Variants in OTULIN observed in about 807,000 individuals in gnomAD.
OTULIN encodes OTU deubiquitinase with linear linkage specificity.
OTULIN carries 15 observed loss-of-function variants against 39.6 expected under a neutral mutation model. The observed-to-expected ratio is 0.38, with a 90% CI of 0.25 to 0.58. The LOEUF is 0.58. Ranked by LOEUF, OTULIN falls within the 20% of genes least tolerant of loss-of-function variation. The probability of loss-of-function intolerance (pLI) is 0.66; values close to 1 mark genes in which losing one functional copy is unlikely to be tolerated. For synonymous variants in OTULIN, 156 were observed against 170.3 expected, an observed-to-expected ratio of 0.92 and a Z score of 0.65; for missense variants, 319 against 445.9, an observed-to-expected ratio of 0.72 and a Z score of 2.56.
chr5:14,681,689 T>A, intron 4 of OTULIN, 82 bp downstream of exon 4: 2 of 1,443,898 alleles, frequency 1.4e-6, no homozygotes, highest in Admixed American at 5.0e-5. Context: ...CCATGCTACC[T>A]TCTAGTATCG....
intron 1 of OTULIN, among the ~76,000 whole-genome samples, chr5:14,667,908 C>T (rs1735890664): frequency 6.6e-6 from 1 of 152,186 alleles, no homozygotes; most frequent in Non-Finnish European, 1.5e-5. Context: ...ATCCCCTGCT[C>T]ACTCCACCCC....
Position 14,685,459 on chromosome 5 carries a change from T to C in OTULIN, c.469-2062T>C, listed in dbSNP as rs180887648. ...GTGGAAAACAAAGGTTATTTACGTG[T>C]GTTCCATGTGCTGTGACCTCTGAAA... On this transcript the variant is annotated intron_variant, in intron 4 of 6. Transcript: ENST00000284274. Among the ~76,000 whole-genome samples the C allele has an allele frequency of 1.2e-3, 179 of 152,372 alleles. 4 individuals carry two copies. The highest frequency in any genetic ancestry group is 0.01 in the Admixed American group (159 of 15,310).
intron 4 of OTULIN, among the ~76,000 whole-genome samples, chr5:14,685,754 G>A (rs941172254): frequency 2.6e-5 from 4 of 152,124 alleles, no homozygotes; most frequent in Non-Finnish European, 5.9e-5. Flanking sequence ...CAGATGCTCA[G>A]CCGGTCTTCT....
At chr5:14,712,554 C>T in the OTULIN span, among the ~76,000 whole-genome samples, 153 of 152,358 alleles carry the variant, frequency 1.0e-3, 3 homozygotes, top group East Asian at 6.0e-3. Flanking sequence ...CGCATGTCTG[C>T]GGGTCATTCC....
At chr5:14,710,254 G>A in the OTULIN span, 1 of 152,192 alleles carries the variant, frequency 6.6e-6, no homozygotes, top group Non-Finnish European at 1.5e-5. Flanking sequence ...TGCTGGATGA[G>A]ACTTAAAGCT....
At position 14,690,711 on chromosome 5, in the gene OTULIN, C is replaced by T. The variant is rs1736504325; in HGVS notation, c.864+403C>T. ...TTATGACCTAATCTAGGATGTCACA[C>T]ACTGTTAGATTGTTTTCTACTTTTT... On this transcript the variant is annotated intron_variant, in intron 6 of 6. Transcript: ENST00000284274. This position sits in a 1 kb window ranked among gnomAD's most constrained non-coding sequence, Gnocchi z 4.5. 6.6e-6 allele frequency among the ~76,000 whole-genome samples: 1 copy of T among 152,142 alleles called. No individual in the cohort carries two copies. Among genetic ancestry groups the T allele is most frequent in the African/African-American group, 2.4e-5 (1 of 41,432 alleles).
intron 2 of OTULIN, among the ~76,000 whole-genome samples, chr5:14,678,132 A>C (rs1736151850): frequency 6.6e-6 from 1 of 152,190 alleles, no homozygotes; most frequent in Non-Finnish European, 1.5e-5. Flanking sequence ...TATAAGAGGA[A>C]TAGAGAGCAA....
intron 3 of OTULIN, among the ~76,000 whole-genome samples, chr5:14,680,920 C>G (rs182861437): frequency 0.011 from 1,625 of 152,234 alleles, 36 homozygotes; most frequent in African/African-American, 0.037. Context: ...ATTAGCTGGG[C>G]TTGGTGGCAC....
chr5:14,673,651 C>T lies in OTULIN; in HGVS notation c.162C>T (p.Asp54=). ...EMQCPAEHEE[D]MYRAADEIEK... The stretch of plus-strand genomic sequence containing the variant: ...TTTGGTGTAATTTCAGTGAGGAGGA[C>T]ATGTACCGTGCTGCAGATGAAATAG... Residue 54 remains aspartate, a synonymous_variant, in exon 2 of 7, where the codon GAC becomes GAT. Coordinates refer to ENST00000284274, the MANE Select transcript of OTULIN (RefSeq NM_138348.6). 1 of 1,613,276 alleles carries T rather than the reference C, an allele frequency of 6.2e-7. No homozygotes were observed. The highest frequency in any genetic ancestry group is 8.5e-7 in the Non-Finnish European group (1 of 1,179,642).
intron 1 of OTULIN, among the ~76,000 whole-genome samples, chr5:14,667,182 A>G (rs73749525): frequency 0.012 from 1,831 of 152,326 alleles, 42 homozygotes; most frequent in African/African-American, 0.042. Flanking sequence ...AATACAAATC[A>G]TAGCCCAACT....
At chr5:14,711,552 G>A in the OTULIN span, among the ~76,000 whole-genome samples, 1 of 152,178 alleles carries the variant, frequency 6.6e-6, no homozygotes, top group East Asian at 1.9e-4. Flanking sequence ...AGGACACCAT[G>A]TCCCACTGCC....
chr5:14,709,078 G>GAGAC, the OTULIN span: 1 of 152,120 alleles, frequency 6.6e-6, no homozygotes, highest in African/African-American at 2.4e-5. Context: ...GTTTTTAGTA[G>GAGAC]AGACAGGGTT....
At chr5:14,713,427 G>A in the OTULIN span, 3 of 1,431,904 alleles carry the variant, frequency 2.1e-6, no homozygotes, top group Non-Finnish European at 2.9e-6. The surrounding 1 kb of genome is among the most constrained non-coding windows in gnomAD (Gnocchi z 4.4). Flanking sequence ...ACATCATTCT[G>A]AATTTCCGAT....
At chr5:14,671,929 T>C (rs1258048757) in intron 1 of OTULIN, among the ~76,000 whole-genome samples, 1 of 152,202 alleles carries the variant, frequency 6.6e-6, no homozygotes. Flanking sequence ...CTTACTGCCC[T>C]TTTGACAGGT....
At chr5:14,710,399 C>G in the OTULIN span, 2 of 152,228 alleles carry the variant, frequency 1.3e-5, no homozygotes, top group African/African-American at 4.8e-5. Flanking sequence ...TCTGGAGATG[C>G]GCTTTTGTGA....
chr5:14,684,630 A>G (rs1736340316), intron 4 of OTULIN, among the ~76,000 whole-genome samples: 1 of 152,138 alleles, frequency 6.6e-6, no homozygotes, highest in Non-Finnish European at 1.5e-5. Context: ...TTGCAGTGTG[A>G]CTGAAATAAA....
Position 14,690,395 on chromosome 5 carries a change from A to AT in OTULIN, c.864+89dup. ...ATGTCACAGTTTTTGTAGGTCAGAA[A>AT]TTCAGGGACAGCTTAGTTGGATGGT... is the stretch of plus-strand genomic sequence containing the variant. On this transcript the variant is annotated intron_variant, in intron 6 of 6. Transcript: ENST00000284274. This position sits in a 1 kb window ranked among gnomAD's most constrained non-coding sequence, Gnocchi z 4.5. 1 of 1,484,882 alleles carries AT rather than the reference A, an allele frequency of 6.7e-7. No homozygotes were observed. Among genetic ancestry groups the AT allele is most frequent in the East Asian group, 2.3e-5 (1 of 43,086 alleles). 92.0% of individuals were successfully genotyped at this position (1,484,882 alleles called of 1,614,324 possible).
At chr5:14,715,855 C>T in the OTULIN span, among the ~76,000 whole-genome samples, 2 of 152,242 alleles carry the variant, frequency 1.3e-5, no homozygotes, top group South Asian at 2.1e-4. Context: ...GGTATAATAA[C>T]TTTCCAACTG....
the OTULIN span, chr5:14,705,611 C>G: frequency 6.6e-6 from 1 of 152,462 alleles, no homozygotes; most frequent in Admixed American, 6.5e-5. Flanking sequence ...GCCCTACTAG[C>G]TTTAGACAGT....
Sources: allele counts gnomAD v4.1 joint callset (sites outside exome capture counted in the v4.1 genomes callset), GRCh38; gene constraint gnomAD v4.1.1; non-coding constraint Gnocchi (gnomAD v3.1); transcripts MANE v1.5; gene names NCBI Gene and HGNC (gene_info 2026-07-23, HGNC 2026-07-21).